HADHB: variants seen among roughly 807,000 people sequenced by gnomAD.
The protein encoded by HADHB is hydroxyacyl-CoA dehydrogenase trifunctional multienzyme complex subunit beta.
In HADHB, 50 loss-of-function variants were observed where a neutral mutation model predicts 61.9. The ratio of observed to expected loss-of-function variants is 0.81; its 90% CI spans 0.64 to 1.02. The LOEUF (loss-of-function observed/expected upper bound fraction) is 1.02. Ranked by LOEUF, HADHB falls within the 50% of genes least tolerant of loss-of-function variation. HADHB has a pLI of 0.00. For synonymous variants in HADHB, 191 were observed against 201.6 expected (o/e 0.95, Z 0.45); for missense variants, 504 against 586.5 (o/e 0.86, Z 1.45).
chr2:26,255,790 A>T (rs1671584829), intron 3 of HADHB, among the ~76,000 whole-genome samples: 1 of 152,238 alleles, frequency 6.6e-6, no homozygotes, highest in African/African-American at 2.4e-5. Context: ...GAGAAGTTTC[A>T]TATTGTCATA....
chr2:26,273,656 T>C lies in HADHB; in HGVS notation c.260T>C (p.Leu87Ser), dbSNP rs1171889657. Residue 87 changes from leucine to serine, a missense_variant, in exon 6 of 16, where the codon TTG becomes TCG. Leu to Ser is a moderately radical substitution (Grantham distance 145, BLOSUM62 -2). Coordinates refer to ENST00000317799, the MANE Select transcript of HADHB (RefSeq NM_000183.3). Reference sequence around the variant, plus strand: ...CTTTGGATTTCTACTTCCAGGGGTTTGTTGCATCGGACCAGTGTCCCTAAG... The same window carrying C: ...CTTTGGATTTCTACTTCCAGGGGTTCGTTGCATCGGACCAGTGTCCCTAAG... ...HDLARAALTG[L>S]LHRTSVPKEV... 2 of 1,569,384 alleles carry C rather than the reference T, an allele frequency of 1.3e-6. No individual in the cohort carries two copies. Among genetic ancestry groups the C allele is most frequent in the Admixed American group, 3.3e-5 (2 of 59,974 alleles).
chr2:26,267,381 G>A (rs992658756), intron 4 of HADHB, among the ~76,000 whole-genome samples: 16 of 152,060 alleles, frequency 1.1e-4, no homozygotes, highest in African/African-American at 3.6e-4. Context: ...AAAGACACAG[G>A]TCTGACCTGC....
rs192033294 is a variant in HADHB at position 26,280,926 on chromosome 2, A to G, written c.933+811A>G. 2.2e-4 allele frequency among the ~76,000 whole-genome samples: 32 copies of G among 148,352 alleles called. No homozygotes were observed. The East Asian group carries it at 6.0e-3, about 28-fold the overall frequency. On this transcript the variant is annotated intron_variant, in intron 10 of 15. Transcript: ENST00000317799. ...ATAGCAAATGCAAAATCAAGGAAGT[A>G]TGAGAGCAAGGGGTTCTTTGGGGAA...
intron 4 of HADHB, among the ~76,000 whole-genome samples, chr2:26,269,203 A>G (rs189426717): frequency 3.0e-4 from 46 of 150,822 alleles, no homozygotes; most frequent in East Asian, 2.1e-3. Context: ...TCTTTTTCCA[A>G]TTCTTATTTA....
intron 9 of HADHB, among the ~76,000 whole-genome samples, chr2:26,279,639 A>G (rs914866276): frequency 6.6e-6 from 1 of 151,944 alleles, no homozygotes; most frequent in Non-Finnish European, 1.5e-5. Flanking sequence ...AAAAAAAAAA[A>G]AAGAAAAACA....
At chr2:26,265,674 G>T (rs1672047288) in intron 4 of HADHB, among the ~76,000 whole-genome samples, 1 of 152,178 alleles carries the variant, frequency 6.6e-6, no homozygotes, top group Non-Finnish European at 1.5e-5. Context: ...AACATTTGAT[G>T]ATTAGTATTT....
At chr2:26,273,529 A>C in intron 5 of HADHB, 122 bp from the exon 6 acceptor site, 1 of 698,266 alleles carries the variant, frequency 1.4e-6, no homozygotes, top group Non-Finnish European at 2.7e-6. Context: ...AAGAAAAGAT[A>C]CAGTCTCTGT....
intron 4 of HADHB, among the ~76,000 whole-genome samples, chr2:26,268,768 GTAGCT>G (rs1412708457): frequency 1.3e-5 from 2 of 152,218 alleles, no homozygotes; most frequent in African/African-American, 4.8e-5. Context: ...CAGATAGGTA[GTAGCT>G]TAGTGAATAG....
intron 10 of HADHB, 143 bp downstream of exon 10, chr2:26,280,258 T>A: frequency 1.4e-6 from 1 of 736,092 alleles, no homozygotes; most frequent in African/African-American, 1.8e-5. Flanking sequence ...AGTGGAGTCA[T>A]TAAAAAAAAA....
At chr2:26,275,797 G>C (rs1672515816) in intron 6 of HADHB, among the ~76,000 whole-genome samples, 1 of 152,198 alleles carries the variant, frequency 6.6e-6, no homozygotes, top group Non-Finnish European at 1.5e-5. Flanking sequence ...TGTTTCTATA[G>C]ATTATGGTAA....
intron 10 of HADHB, among the ~76,000 whole-genome samples, chr2:26,280,428 G>C (rs914867578): frequency 5.9e-5 from 9 of 152,220 alleles, no homozygotes; most frequent in Admixed American, 4.6e-4. Context: ...GTGAGATGCT[G>C]TGATGGCTGT....
intron 1 of HADHB, among the ~76,000 whole-genome samples, chr2:26,248,224 T>C (rs1671239574): frequency 6.6e-6 from 1 of 152,244 alleles, no homozygotes; most frequent in Non-Finnish European, 1.5e-5. Context: ...TATATATACA[T>C]GTACATCATT....
At chr2:26,253,155 G>A (rs1381847072) in intron 1 of HADHB, among the ~76,000 whole-genome samples, 1 of 151,584 alleles carries the variant, frequency 6.6e-6, no homozygotes, top group African/African-American at 2.4e-5. Context: ...TTAGTAATCT[G>A]TAGGAACTCA....
At chr2:26,277,288 A>C (rs1414283635) in intron 7 of HADHB, 128 bp downstream of exon 7, 2 of 581,446 alleles carry the variant, frequency 3.4e-6, no homozygotes, top group Admixed American at 5.9e-5. Context: ...CTCAGGCTGG[A>C]GTGCAGTGGT....
intron 5 of HADHB, among the ~76,000 whole-genome samples, chr2:26,270,783 C>T (rs970948504): frequency 2.0e-5 from 3 of 152,004 alleles, no homozygotes; most frequent in African/African-American, 7.2e-5. Flanking sequence ...GCACTTGACA[C>T]TGTAAGCTAT....
At chr2:26,246,358 T>C (rs1468162707) in intron 1 of HADHB, among the ~76,000 whole-genome samples, 1 of 151,864 alleles carries the variant, frequency 6.6e-6, no homozygotes, top group Non-Finnish European at 1.5e-5. Context: ...TTTTTTTTTT[T>C]TTTGAGACAG....
Position 26,289,939 on chromosome 2 carries a change from G to A in HADHB, c.1411G>A (p.Ala471Thr), listed in dbSNP as rs1349651400. The stretch of plus-strand genomic sequence containing the variant: ...ACAGGGCCATGCTATGATAGTGGAA[G>A]CTTATCCAAAATAATAGATCCAGAA... ...GGQGHAMIVE[A>T]YPK The change falls in exon 16 of 16, where the codon GCT becomes ACT. Residue 471 changes from alanine (A) to threonine (T), a missense_variant. Transcript: ENST00000317799. 6.2e-7 allele frequency: 1 copy of A among 1,608,858 alleles called. No homozygotes were observed. Among genetic ancestry groups the A allele is most frequent in the African/African-American group, 1.3e-5 (1 of 74,966 alleles).
At position 26,264,749 on chromosome 2, in the gene HADHB, C is replaced by T. The variant is rs57707580; in HGVS notation, c.209+1270C>T. 6.2e-3 allele frequency among the ~76,000 whole-genome samples: 950 copies of T among 152,022 alleles called. 8 individuals are homozygous for T. Among genetic ancestry groups the T allele is most frequent in the African/African-American group, 0.021 (888 of 41,474 alleles). ...ATGTTGGCCAGGCACGTGGCTCATG[C>T]CTGTAATCCCAGCACTTTGGAAGGC... is the stretch of plus-strand genomic sequence containing the variant. On this transcript the variant is annotated intron_variant, in intron 4 of 15. Transcript: ENST00000317799.
At chr2:26,250,656 T>G (rs1671362346) in intron 1 of HADHB, among the ~76,000 whole-genome samples, 2 of 150,936 alleles carry the variant, frequency 1.3e-5, no homozygotes, top group African/African-American at 2.4e-5. Flanking sequence ...TCTAAAGTTT[T>G]TTTTTTTTTT....
Sources: gnomAD v4.1 joint callset for allele counts (sites outside exome capture counted in the v4.1 genomes callset) on GRCh38, gnomAD v4.1.1 for gene constraint, MANE v1.5 for transcripts, NCBI Gene and HGNC (gene_info 2026-07-23, HGNC 2026-07-21) for gene names.